CGNL1: variants seen among roughly 807,000 people sequenced by gnomAD.
The protein encoded by CGNL1 is cingulin like 1.
CGNL1 carries 132 observed loss-of-function variants against 141.2 expected under a neutral mutation model. The observed-to-expected ratio is 0.93, with a 90% confidence interval of 0.81 to 1.08. CGNL1 has a LOEUF of 1.08. Ranked by LOEUF, CGNL1 falls within the 50% of genes least tolerant of loss-of-function variation. CGNL1 has a pLI of 0.00. For missense variants in CGNL1, 1,870 were observed against 1,588.6 expected, an observed-to-expected ratio of 1.18 and a Z score of -3.01; for synonymous variants, 690 against 622.1, an observed-to-expected ratio of 1.11 and a Z score of -1.63.
chr15:57,409,936 G>T (rs980107774), intron 1 of CGNL1, among the ~76,000 whole-genome samples: 1 of 152,196 alleles, frequency 6.6e-6, no homozygotes, highest in Non-Finnish European at 1.5e-5. Context: ...CTGATGCCTC[G>T]TGTGAGGATC....
At chr15:57,392,794 G>C (rs12911593) in intron 1 of CGNL1, among the ~76,000 whole-genome samples, 1 of 152,128 alleles carries the variant, frequency 6.6e-6, no homozygotes, top group Non-Finnish European at 1.5e-5. Context: ...ATGGAGTCTA[G>C]ATGTTTAAAG....
At chr15:57,540,845 A>G (rs2032526310) in intron 14 of CGNL1, among the ~76,000 whole-genome samples, 1 of 152,240 alleles carries the variant, frequency 6.6e-6, no homozygotes, top group Non-Finnish European at 1.5e-5. Flanking sequence ...GAACAAACCC[A>G]TCCTATCGTT....
At chr15:57,452,024 A>T in intron 5 of CGNL1, 117 bp from the exon 6 acceptor site, 1 of 825,208 alleles carries the variant, frequency 1.2e-6, no homozygotes, top group Non-Finnish European at 1.8e-6. Context: ...TAGTTTGATT[A>T]AGTTGTTTAA....
intron 9 of CGNL1, among the ~76,000 whole-genome samples, chr15:57,517,706 C>T (rs2030925145): frequency 6.6e-6 from 1 of 152,172 alleles, no homozygotes; most frequent in Admixed American, 6.5e-5. Flanking sequence ...ACTGACTGGC[C>T]AGAGGGGGCC....
At chr15:57,436,040 G>A (rs1315905931) in intron 1 of CGNL1, among the ~76,000 whole-genome samples, 2 of 152,172 alleles carry the variant, frequency 1.3e-5, no homozygotes, top group East Asian at 1.9e-4. Flanking sequence ...TACTACATAT[G>A]CAACAACTTT....
chr15:57,523,220 C>T (rs1234538300), intron 10 of CGNL1, among the ~76,000 whole-genome samples: 1 of 152,220 alleles, frequency 6.6e-6, no homozygotes, highest in African/African-American at 2.4e-5. Flanking sequence ...CACCAGCAGC[C>T]TTGGCCATGT....
At chr15:57,525,335 G>C (rs1188832463) in intron 12 of CGNL1, among the ~76,000 whole-genome samples, 2 of 152,212 alleles carry the variant, frequency 1.3e-5, no homozygotes, top group Non-Finnish European at 2.9e-5. Context: ...CAAGAACTGA[G>C]AAAAAGAAAG....
At chr15:57,537,189 C>T (rs891210904) in intron 14 of CGNL1, among the ~76,000 whole-genome samples, 2 of 152,196 alleles carry the variant, frequency 1.3e-5, no homozygotes, top group African/African-American at 4.8e-5. Context: ...GATGACTCAT[C>T]AAGCCCAGGC....
At chr15:57,543,645 G>A (rs752328106) in intron 14 of CGNL1, 51 bp from the exon 15 acceptor site, 5 of 1,496,778 alleles carry the variant, frequency 3.3e-6, no homozygotes, top group Non-Finnish European at 4.7e-6. Context: ...CAGTACAAAA[G>A]ATACAGGAAC....
At chr15:57,409,169 G>T (rs1411101220) in intron 1 of CGNL1, among the ~76,000 whole-genome samples, 1 of 152,114 alleles carries the variant, frequency 6.6e-6, no homozygotes, top group African/African-American at 2.4e-5. Context: ...GGGAACAAAA[G>T]GTCTGAAATC....
chr15:57,431,697 G>A (rs146213651), intron 1 of CGNL1, among the ~76,000 whole-genome samples: 43 of 151,636 alleles, frequency 2.8e-4, no homozygotes, highest in African/African-American at 9.9e-4. Flanking sequence ...AAGCAAATTC[G>A]TAAACATTCT....
chr15:57,424,842 T>C (rs1002650671), intron 1 of CGNL1, among the ~76,000 whole-genome samples: 6 of 152,218 alleles, frequency 3.9e-5, no homozygotes, highest in Non-Finnish European at 8.8e-5. Context: ...ACTTGCACTA[T>C]TGAAGTCCCT....
intron 1 of CGNL1, among the ~76,000 whole-genome samples, chr15:57,401,197 G>A (rs1179001189): frequency 2.6e-5 from 4 of 151,924 alleles, no homozygotes; most frequent in East Asian, 1.9e-4. Flanking sequence ...TAGATATATC[G>A]TAATTTAGCC....
chr15:57,537,604 C>A (rs562813460), intron 14 of CGNL1, among the ~76,000 whole-genome samples: 1 of 152,244 alleles, frequency 6.6e-6, no homozygotes, highest in South Asian at 2.1e-4. Context: ...CTCTTTACAG[C>A]CCAATGATAA....
At chr15:57,546,014 T>A in intron 17 of CGNL1, 62 bp from the exon 18 acceptor site, 1 of 1,556,302 alleles carries the variant, frequency 6.4e-7, no homozygotes, top group East Asian at 2.3e-5. Flanking sequence ...GGACCTGGGG[T>A]AAGCTGAGCG....
chr15:57,490,324 G>A (rs975926361), intron 8 of CGNL1, among the ~76,000 whole-genome samples: 7 of 151,926 alleles, frequency 4.6e-5, no homozygotes, highest in African/African-American at 1.7e-4. Flanking sequence ...TGTTAACGTG[G>A]GCAGGCTTTG....
intron 14 of CGNL1, among the ~76,000 whole-genome samples, chr15:57,536,856 T>C (rs2032287353): frequency 6.6e-6 from 1 of 152,172 alleles, no homozygotes. Context: ...CTCTTGCCTA[T>C]TCCCATCGTC....
At chr15:57,398,443 T>A (rs1022930343) in intron 1 of CGNL1, 7 of 152,162 alleles carry the variant, frequency 4.6e-5, no homozygotes, top group African/African-American at 1.7e-4. Context: ...TTGTATCATA[T>A]CACCATTTTC....
intron 1 of CGNL1, among the ~76,000 whole-genome samples, chr15:57,379,993 C>T (rs1413329404): frequency 2.0e-5 from 3 of 152,096 alleles, no homozygotes; most frequent in Admixed American, 1.3e-4. Context: ...AAGCCAATAT[C>T]CTTGGGGGAG....
Sources: allele counts gnomAD v4.1 joint callset (sites outside exome capture counted in the v4.1 genomes callset), GRCh38; gene constraint gnomAD v4.1.1; transcripts MANE v1.5; gene names NCBI Gene and HGNC (gene_info 2026-07-23, HGNC 2026-07-21).